Variants in VAV3 observed in about 807,000 individuals in gnomAD.
VAV3 encodes vav guanine nucleotide exchange factor 3.
In VAV3, 94 loss-of-function variants were observed where a neutral mutation model predicts 131.2. The ratio of observed to expected loss-of-function variants is 0.72; its 90% CI spans 0.61 to 0.85. VAV3 has a LOEUF of 0.85. Among genes scored for constraint, VAV3 ranks in the 40% least tolerant of loss-of-function variants. The probability of loss-of-function intolerance (pLI) is 0.00; values close to 1 mark genes in which losing one functional copy is unlikely to be tolerated. For missense variants in VAV3, 939 were observed against 1,002.7 expected (o/e 0.94, Z 0.86); for synonymous variants, 349 against 342.0 (o/e 1.02, Z -0.22).
chr1:107,715,527 C>A (rs1661042068), intron 15 of VAV3, among the ~76,000 whole-genome samples: 1 of 152,074 alleles, frequency 6.6e-6, no homozygotes, highest in South Asian at 2.1e-4. Context: ...GTCATGTATT[C>A]AACAAATTAA....
chr1:107,584,709 T>C (rs1650351519), intron 25 of VAV3, among the ~76,000 whole-genome samples: 1 of 152,226 alleles, frequency 6.6e-6, no homozygotes, highest in African/African-American at 2.4e-5. Context: ...GGAAAACTTA[T>C]GTCTAGGATT....
intron 20 of VAV3, among the ~76,000 whole-genome samples, chr1:107,641,808 G>A (rs774199031): frequency 4.0e-5 from 6 of 151,898 alleles, no homozygotes; most frequent in Non-Finnish European, 5.9e-5. Context: ...TCCTCGGTTT[G>A]GAAAAAATGC....
At chr1:107,632,386 G>A (rs769750565) in intron 20 of VAV3, among the ~76,000 whole-genome samples, 7 of 152,120 alleles carry the variant, frequency 4.6e-5, no homozygotes, top group Non-Finnish European at 8.8e-5. Context: ...GCCCCACTCA[G>A]GTAATACATG....
chr1:107,812,346 C>A (rs6683374), intron 2 of VAV3, among the ~76,000 whole-genome samples: 10 of 151,966 alleles, frequency 6.6e-5, no homozygotes, highest in African/African-American at 2.2e-4. Flanking sequence ...AAAAATATTA[C>A]GAAGAGTATC....
intron 19 of VAV3, among the ~76,000 whole-genome samples, chr1:107,678,221 C>T (rs1224033979): frequency 2.0e-5 from 3 of 151,856 alleles, no homozygotes; most frequent in Non-Finnish European, 4.4e-5. Flanking sequence ...GTTTACTGTC[C>T]CAGTTTTTTC....
chr1:107,883,748 T>C (rs1441628488), intron 1 of VAV3, among the ~76,000 whole-genome samples: 13 of 152,130 alleles, frequency 8.5e-5, no homozygotes, highest in Admixed American at 8.5e-4. Flanking sequence ...GCAGTCACCA[T>C]AACACACACA....
intron 1 of VAV3, among the ~76,000 whole-genome samples, chr1:107,956,059 G>C (rs916752247): frequency 1.3e-5 from 2 of 152,252 alleles, no homozygotes; most frequent in African/African-American, 4.8e-5. Context: ...ATGCAGAAGA[G>C]CATCGGGGTA....
chr1:107,688,402 T>A lies in VAV3; in HGVS notation c.1710A>T (p.Gln570His), dbSNP rs777567411. The change falls in exon 18 of 27, where the codon CAA (glutamine) becomes CAT (histidine). Residue 570 changes from glutamine to histidine, a missense_variant. Gln to His is a conservative substitution (Grantham distance 24, BLOSUM62 0). Transcript: ENST00000370056. ...TTACCTCTGGTAGTTTGAGTGTCCC[T>A]TGTTCTGAAAGAAATGTAAAAATTG... ...DNCGRVNSGE[Q>H]GTLKLPEKRT... 10 of 1,613,308 alleles carry A rather than the reference T, an allele frequency of 6.2e-6. 1 individual carries two copies.
chr1:107,670,455 C>G (rs1657705300), intron 19 of VAV3, among the ~76,000 whole-genome samples: 1 of 152,094 alleles, frequency 6.6e-6, no homozygotes, highest in African/African-American at 2.4e-5. Context: ...CAAATTAAAA[C>G]CTTTGCAAAT....
At chr1:107,581,403 T>C (rs1223207992) in intron 25 of VAV3, among the ~76,000 whole-genome samples, 1 of 152,236 alleles carries the variant, frequency 6.6e-6, no homozygotes, top group Admixed American at 6.5e-5. Flanking sequence ...TTTAGTGACT[T>C]AAAGTTTCCA....
intron 1 of VAV3, among the ~76,000 whole-genome samples, chr1:107,889,512 A>C (rs1250859978): frequency 6.6e-6 from 1 of 152,178 alleles, no homozygotes; most frequent in Non-Finnish European, 1.5e-5. Context: ...TCTGTGGTGA[A>C]CCAGGACAAT....
chr1:107,770,579 ATATATTAAC>A, intron 6 of VAV3, 48 bp downstream of exon 6: 1 of 1,113,790 alleles, frequency 9.0e-7, no homozygotes, highest in Non-Finnish European at 1.4e-6. Context: ...AGTGAGTCTA[ATATATTAAC>A]TATATTAGGC....
intron 1 of VAV3, among the ~76,000 whole-genome samples, chr1:107,913,907 G>A (rs1255878100): frequency 1.3e-5 from 2 of 151,992 alleles, no homozygotes; most frequent in African/African-American, 4.8e-5. Flanking sequence ...CGATTCTTCC[G>A]CCTCAGCCTC....
rs567885112 is a variant in VAV3 at position 107,672,915 on chromosome 1, T to C, written c.1777+10573A>G. ...GGGCATAAAATAAGACATATTCTCA[T>C]ACCCCAATAATATGTGGGGACATAA... On this transcript the variant is annotated intron_variant, in intron 19 of 26. Coordinates refer to ENST00000370056, the MANE Select transcript of VAV3 (RefSeq NM_006113.5). Among the ~76,000 whole-genome samples the C allele has an allele frequency of 2.6e-5, 4 of 152,166 alleles. No individual in the cohort carries two copies. In the South Asian group the frequency reaches 6.2e-4, roughly 24 times the overall value.
intron 3 of VAV3, 41 bp downstream of exon 3, chr1:107,779,393 T>G (rs1665554875): frequency 1.3e-6 from 2 of 1,532,638 alleles, no homozygotes; most frequent in African/African-American, 2.8e-5. Context: ...ATCATTACAC[T>G]GAACTCAATG....
At chr1:107,746,543 C>T (rs1235428091) in intron 15 of VAV3, among the ~76,000 whole-genome samples, 1 of 152,164 alleles carries the variant, frequency 6.6e-6, no homozygotes, top group Non-Finnish European at 1.5e-5. Flanking sequence ...ATGTATAAAC[C>T]TGTAAGGCGG....
At chr1:107,709,452 T>C (rs1411144270) in intron 15 of VAV3, among the ~76,000 whole-genome samples, 10 of 152,192 alleles carry the variant, frequency 6.6e-5, no homozygotes, top group Admixed American at 6.5e-4. Context: ...AATTACCTCT[T>C]ATGTGAAAGA....
chr1:107,888,923 T>C (rs1377163148), intron 1 of VAV3, among the ~76,000 whole-genome samples: 3 of 152,160 alleles, frequency 2.0e-5, no homozygotes, highest in African/African-American at 7.2e-5. Flanking sequence ...TTACATAAAT[T>C]TAAAGATAGG....
intron 2 of VAV3, among the ~76,000 whole-genome samples, chr1:107,844,921 G>C (rs1557878572): frequency 6.6e-6 from 1 of 152,220 alleles, no homozygotes; most frequent in African/African-American, 2.4e-5. Context: ...TCTGAAGAGA[G>C]TGGTAGATCT....
Sources: gnomAD v4.1 joint callset for allele counts (sites outside exome capture counted in the v4.1 genomes callset) on GRCh38, gnomAD v4.1.1 for gene constraint, MANE v1.5 for transcripts, NCBI Gene and HGNC (gene_info 2026-07-23, HGNC 2026-07-21) for gene names.